Variants in NCMAP observed in about 807,000 individuals in gnomAD.
NCMAP encodes non-compact myelin associated protein, also known as noncompact myelin-associated protein.
In NCMAP, 8 loss-of-function variants were observed where a neutral mutation model predicts 7.8. The observed-to-expected ratio is 1.02, with a 90% CI of 0.60 to 1.84. The LOEUF (loss-of-function observed/expected upper bound fraction) is 1.84. Among genes scored for constraint, NCMAP ranks in the 40% most tolerant of loss-of-function variants. The pLI is 0.00. For synonymous variants in NCMAP, 41 were observed against 52.9 expected, an observed-to-expected ratio of 0.78 and a Z score of 0.98; for missense variants, 112 against 131.4, an observed-to-expected ratio of 0.85 and a Z score of 0.72.
intron 1 of NCMAP, among the ~76,000 whole-genome samples, chr1:24,572,458 A>C (rs1269027413): frequency 6.6e-6 from 1 of 150,406 alleles, no homozygotes; most frequent in Non-Finnish European, 1.5e-5. Flanking sequence ...GGCACCTGCT[A>C]TGGTTTGTGG....
At chr1:24,580,987 TACCC>T (rs1651725806) in intron 1 of NCMAP, among the ~76,000 whole-genome samples, 1 of 152,184 alleles carries the variant, frequency 6.6e-6, no homozygotes, top group East Asian at 1.9e-4. Context: ...TTCTCTTCTG[TACCC>T]TTTGGCCTTG....
At chr1:24,585,745 C>G (rs1651864617) in intron 1 of NCMAP, among the ~76,000 whole-genome samples, 1 of 152,174 alleles carries the variant, frequency 6.6e-6, no homozygotes, top group Non-Finnish European at 1.5e-5. Context: ...TCCCACCGGT[C>G]CCATCAGGAC....
intron 1 of NCMAP, among the ~76,000 whole-genome samples, chr1:24,556,453 G>T (rs1050062548): frequency 2.6e-5 from 4 of 152,200 alleles, no homozygotes; most frequent in African/African-American, 9.7e-5. Flanking sequence ...CAAGCATCTG[G>T]CGGAGGGGCC....
intron 3 of NCMAP, among the ~76,000 whole-genome samples, chr1:24,602,906 G>A (rs962181176): frequency 4.0e-5 from 6 of 151,606 alleles, no homozygotes; most frequent in Admixed American, 2.0e-4. Flanking sequence ...TGGGCATGGT[G>A]GCGGGTGCCT....
chr1:24,602,440 G>C (rs1412382970), intron 3 of NCMAP, among the ~76,000 whole-genome samples: 2 of 145,772 alleles, frequency 1.4e-5, no homozygotes, highest in Non-Finnish European at 3.0e-5. Flanking sequence ...CGCAGTGGTG[G>C]GCGCCTGTAG....
At chr1:24,593,580 A>G (rs1041068641) in intron 1 of NCMAP, among the ~76,000 whole-genome samples, 3 of 152,110 alleles carry the variant, frequency 2.0e-5, no homozygotes, top group Non-Finnish European at 4.4e-5. Context: ...CTCCTGTAAT[A>G]TTTGTCTTCA....
intron 3 of NCMAP, 47 bp downstream of exon 3, chr1:24,601,071 G>A: frequency 2.7e-6 from 4 of 1,459,584 alleles, no homozygotes; most frequent in South Asian, 2.3e-5. Context: ...TCCCTTCAGT[G>A]ACATCAGAAT....
At chr1:24,595,330 T>G (rs1478627711) in intron 1 of NCMAP, 94 bp from the exon 2 acceptor site, 28 of 812,908 alleles carry the variant, frequency 3.4e-5, no homozygotes, top group Non-Finnish European at 5.6e-5. Flanking sequence ...TTGAATATTC[T>G]ACAGTCATCC....
intron 1 of NCMAP, among the ~76,000 whole-genome samples, chr1:24,561,760 A>G (rs541807697): frequency 6.6e-6 from 1 of 152,330 alleles, no homozygotes; most frequent in Non-Finnish European, 1.5e-5. Context: ...AAAATAAAAA[A>G]TTAGCCAGGT....
chr1:24,601,066 T>C (rs779190565), intron 3 of NCMAP, 42 bp downstream of exon 3: 12 of 1,517,968 alleles, frequency 7.9e-6, no homozygotes, highest in Non-Finnish European at 1.1e-5. Flanking sequence ...GACGGTCCCT[T>C]CAGTGACATC....
chr1:24,574,325 G>T (rs1651483073), intron 1 of NCMAP, among the ~76,000 whole-genome samples: 1 of 150,880 alleles, frequency 6.6e-6, no homozygotes, highest in African/African-American at 2.5e-5. Flanking sequence ...CACCATGTTG[G>T]CCAGGCTGGT....
intron 1 of NCMAP, among the ~76,000 whole-genome samples, chr1:24,569,377 C>T (rs1194068179): frequency 6.6e-6 from 1 of 150,594 alleles, no homozygotes; most frequent in East Asian, 1.9e-4. Flanking sequence ...ACTCTCCCAC[C>T]CACTCACCAC....
At chr1:24,569,439 A>C (rs1651325694) in intron 1 of NCMAP, among the ~76,000 whole-genome samples, 1 of 150,004 alleles carries the variant, frequency 6.7e-6, no homozygotes, top group South Asian at 2.1e-4. Context: ...TCCTCCCCAG[A>C]CTTCACTCCC....
rs11808054 is a variant in NCMAP, at chr1:24,576,343, C to A, written c.-7-19081C>A. Among the ~76,000 whole-genome samples the A allele has an allele frequency of 6.6e-6, 1 of 152,098 alleles. No homozygotes were observed. Among genetic ancestry groups the A allele is most frequent in the African/African-American group, 2.4e-5 (1 of 41,380 alleles). The stretch of plus-strand genomic sequence containing the variant: ...ACCGCAGGTCCCCCAGACAAACGCC[C>A]CTCTGTATCTTTGGGCCTATTGTGA... On this transcript the variant is annotated intron_variant, in intron 1 of 3. Transcript: ENST00000374392. This position sits in a 1 kb window ranked among gnomAD's most constrained non-coding sequence, Gnocchi z 4.0.
At position 24,608,379 on chromosome 1, in the gene NCMAP, C is replaced by T. The variant is rs777477867; in HGVS notation, c.*2632C>T. On this transcript the variant is annotated 3_prime_UTR_variant, in exon 4 of 4. Transcript: ENST00000374392. ...AGAGATCAGGGTTCTGGCTTCCAGG[C>T]TGAAGGTGAGGGAAAAGCCACTTCT... 5.9e-5 allele frequency: 9 copies of T among 152,282 alleles called. No individual in the cohort carries two copies. The highest frequency in any genetic ancestry group is 2.6e-4 in the Admixed American group (4 of 15,260). The allele number at this position is 152,282 out of a possible 1,614,324, so 9.4% of individuals were successfully genotyped here. A position where few individuals can be genotyped will look rare whatever the true frequency, so the allele number is the denominator to read the frequency against.
chr1:24,599,342 C>T (rs57749463), intron 2 of NCMAP, among the ~76,000 whole-genome samples: 5,176 of 148,600 alleles, frequency 0.035, 141 homozygotes, highest in Middle Eastern at 0.12. Flanking sequence ...GAGCTGAGAA[C>T]TAATATTGAA....
chr1:24,573,971 A>AAAAAAAAAAAAAAAC (rs1337931415), intron 1 of NCMAP, among the ~76,000 whole-genome samples: 7 of 137,544 alleles, frequency 5.1e-5, no homozygotes, highest in African/African-American at 2.1e-4. Context: ...AAAAAAAAAA[A>AAAAAAAAAAAAAAAC]CAGAAAAAAG....
intron 1 of NCMAP, among the ~76,000 whole-genome samples, chr1:24,582,569 C>T (rs1392277511): frequency 1.3e-5 from 2 of 152,108 alleles, no homozygotes; most frequent in East Asian, 3.9e-4. Context: ...CGATGCTACG[C>T]TGCTGGTCTG....
intron 1 of NCMAP, among the ~76,000 whole-genome samples, chr1:24,563,463 G>A (rs887939938): frequency 2.0e-4 from 30 of 151,486 alleles, no homozygotes; most frequent in African/African-American, 5.8e-4. Flanking sequence ...CGGAGGTTGC[G>A]GTGAGCCGAG....
Sources: gnomAD v4.1 joint callset for allele counts (sites outside exome capture counted in the v4.1 genomes callset) on GRCh38, gnomAD v4.1.1 for gene constraint, Gnocchi (gnomAD v3.1) non-coding constraint, MANE v1.5 for transcripts, NCBI Gene and HGNC (gene_info 2026-07-23, HGNC 2026-07-21) for gene names.